ARL13B: variants seen among roughly 807,000 people sequenced by gnomAD.
ARL13B encodes the protein ADP-ribosylation factor-like protein 13B.
In ARL13B, 36 loss-of-function variants were observed where a neutral mutation model predicts 56.1. That is an observed-to-expected ratio of 0.64 (90% CI 0.49 to 0.85). The LOEUF is 0.85. Among genes scored for constraint, ARL13B ranks in the 40% least tolerant of loss-of-function variants. The probability of loss-of-function intolerance (pLI) is 0.00; values close to 1 mark genes in which losing one functional copy is unlikely to be tolerated. For synonymous variants in ARL13B, 178 were observed against 171.1 expected, an observed-to-expected ratio of 1.04 and a Z score of -0.32; for missense variants, 519 against 507.1, an observed-to-expected ratio of 1.02 and a Z score of -0.23.
At chr3:94,022,928 T>C (rs1244961471) in intron 3 of ARL13B, among the ~76,000 whole-genome samples, 1 of 152,012 alleles carries the variant, frequency 6.6e-6, no homozygotes, top group African/African-American at 2.4e-5. Context: ...GAATTGAACA[T>C]ATCCTCTTGA....
At position 94,053,224 on chromosome 3, in the gene ARL13B, A is replaced by G. The variant is rs753337159; in HGVS notation, c.1248A>G (p.Pro416=). 6.2e-7 allele frequency: 1 copy of G among 1,613,344 alleles called. No homozygotes were observed. The highest frequency in any genetic ancestry group is 8.5e-7 in the Non-Finnish European group (1 of 1,179,776). The change falls in exon 10 of 10, where the codon CCA becomes CCG. Residue 416 remains proline, a synonymous_variant. Coordinates refer to ENST00000394222, the MANE Select transcript of ARL13B (RefSeq NM_001174150.2). ...AGCCACTGCCTCCCCTGGCTGTGCC[A>G]CAGCGACCTAACAGTGATGCTCATG... ...YRKPLPPLAV[P]QRPNSDAHDV...
intron 2 of ARL13B, among the ~76,000 whole-genome samples, chr3:94,003,282 A>T (rs2076083112): frequency 6.6e-6 from 1 of 152,096 alleles, no homozygotes; most frequent in Non-Finnish European, 1.5e-5. Flanking sequence ...TTTCTTTATA[A>T]CTCCACAGAT....
chr3:94,024,962 A>G (rs540672620), intron 3 of ARL13B, among the ~76,000 whole-genome samples: 159 of 152,316 alleles, frequency 1.0e-3, no homozygotes, highest in African/African-American at 3.8e-3. Context: ...AATTTTTAAG[A>G]AATAGACTAT....
intron 1 of ARL13B, among the ~76,000 whole-genome samples, chr3:93,993,644 T>G (rs1316700419): frequency 3.3e-5 from 5 of 152,224 alleles, no homozygotes; most frequent in Non-Finnish European, 7.3e-5. Flanking sequence ...TTTACTATAT[T>G]TTGTTTTGGA....
At chr3:94,051,152 A>G (rs2077060621) in intron 9 of ARL13B, among the ~76,000 whole-genome samples, 1 of 152,152 alleles carries the variant, frequency 6.6e-6, no homozygotes, top group African/African-American at 2.4e-5. Context: ...TATCCATGAT[A>G]TATTTATACA....
Position 94,053,197 on chromosome 3 carries a change from G to A in ARL13B, c.1221G>A (p.Arg407=), listed in dbSNP as rs2107208050. The A allele has an allele frequency of 1.9e-6, 3 of 1,611,998 alleles. No individual in the cohort carries two copies. Among genetic ancestry groups the A allele is most frequent in the Non-Finnish European group, 2.5e-6 (3 of 1,179,542 alleles). The change falls in exon 10 of 10, where the codon AGG becomes AGA. Residue 407 remains arginine, a synonymous_variant. Transcript: ENST00000394222. The part of the protein sequence containing the change: ...LGETHHNDFY[R]KPLPPLAVPQ... ...TCTTTCTTTTCTTAGATTTCTATAG[G>A]AAGCCACTGCCTCCCCTGGCTGTGC...
rs766269392 is a variant in ARL13B, at chr3:93,990,043, C to T, written c.60-5831C>T. ...TGTTTGAGACGAAGTCTCCCTCTGT[C>T]GCCCAGGCTGGAGTGCAATGGCACG... On this transcript the variant is annotated intron_variant, in intron 1 of 9. Coordinates refer to ENST00000394222, the MANE Select transcript of ARL13B (RefSeq NM_001174150.2). Among the ~76,000 whole-genome samples, 10 of 152,030 alleles carry T rather than the reference C, an allele frequency of 6.6e-5. No individual in the cohort carries two copies. The South Asian group carries it at 1.2e-3, about 19-fold the overall frequency.
rs1576066238 is a variant in ARL13B at position 94,053,191 on chromosome 3, C to G, written c.1215C>G (p.Phe405Leu). 3.7e-6 allele frequency: 6 copies of G among 1,611,490 alleles called. No individual in the cohort carries two copies. The highest frequency in any genetic ancestry group is 4.2e-6 in the Non-Finnish European group (5 of 1,179,476). The change falls in exon 10 of 10, where the codon TTC (phenylalanine) becomes TTG (leucine). Residue 405 changes from phenylalanine (F) to leucine (L), a missense_variant. Physicochemically the swap from Phe to Leu is conservative, Grantham distance 22. Coordinates refer to ENST00000394222, the MANE Select transcript of ARL13B (RefSeq NM_001174150.2). ...TGGTTTTCTTTCTTTTCTTAGATTT[C>G]TATAGGAAGCCACTGCCTCCCCTGG... ...EPLGETHHND[F>L]YRKPLPPLAV...
At chr3:94,045,446 C>CT (rs1283314788) in intron 7 of ARL13B, among the ~76,000 whole-genome samples, 1 of 118,784 alleles carries the variant, frequency 8.4e-6, no homozygotes, top group East Asian at 2.3e-4. Context: ...TCAATAAATA[C>CT]TAAAAAAAAA....
chr3:94,038,577 G>A (rs1243089295), intron 5 of ARL13B, among the ~76,000 whole-genome samples: 1 of 132,088 alleles, frequency 7.6e-6, no homozygotes, highest in African/African-American at 2.9e-5. Flanking sequence ...AGGCTGGAGT[G>A]CAATGGCGCA....
At chr3:94,044,898 A>G (rs1422245807) in intron 7 of ARL13B, among the ~76,000 whole-genome samples, 1 of 151,940 alleles carries the variant, frequency 6.6e-6, no homozygotes, top group African/African-American at 2.4e-5. Context: ...GGAGGTGAGG[A>G]GCGCCTCTGC....
chr3:94,043,288 A>G, intron 7 of ARL13B, 48 bp downstream of exon 7: 2 of 1,469,456 alleles, frequency 1.4e-6, no homozygotes, highest in Non-Finnish European at 1.9e-6. Context: ...ATATATAAAT[A>G]AAACTTATAC....
chr3:93,980,370 G>A lies in ARL13B; in HGVS notation c.-54G>A. On this transcript the variant is annotated 5_prime_UTR_variant, in exon 1 of 10. The change creates a new upstream start codon in the 5' untranslated region. Coordinates refer to ENST00000394222, the MANE Select transcript of ARL13B (RefSeq NM_001174150.2). ...CCGGAGGCCCCCGGGGAAGAGCGGG[G>A]TGCCGGTGTCCGCTCCGGGCTCGGA... is the stretch of plus-strand genomic sequence containing the variant. 6.2e-7 allele frequency: 1 copy of A among 1,602,944 alleles called. No homozygotes were observed. Among genetic ancestry groups the A allele is most frequent in the Non-Finnish European group, 8.5e-7 (1 of 1,176,050 alleles).
intron 1 of ARL13B, among the ~76,000 whole-genome samples, chr3:93,994,182 A>G (rs1165992024): frequency 1.3e-5 from 2 of 152,154 alleles, no homozygotes; most frequent in East Asian, 1.9e-4. Flanking sequence ...CTGTCTTCCT[A>G]TTCTGCTCCT....
chr3:94,050,490 T>C (rs1325950221), intron 8 of ARL13B, among the ~76,000 whole-genome samples: 1 of 152,166 alleles, frequency 6.6e-6, no homozygotes, highest in Non-Finnish European at 1.5e-5. Context: ...GAATCTCTTA[T>C]AGACTCATTT....
intron 7 of ARL13B, among the ~76,000 whole-genome samples, chr3:94,044,080 C>A (rs549773084): frequency 6.6e-6 from 1 of 152,226 alleles, no homozygotes; most frequent in African/African-American, 2.4e-5. Context: ...CCCGCCACCC[C>A]GTCTAGGAAG....
chr3:94,024,073 C>G (rs2076505604), intron 3 of ARL13B, among the ~76,000 whole-genome samples: 2 of 152,110 alleles, frequency 1.3e-5, no homozygotes, highest in Non-Finnish European at 2.9e-5. Context: ...AGTCATCTAA[C>G]CAAATTTCTG....
chr3:94,041,666 C>T (rs1560008862), intron 6 of ARL13B, among the ~76,000 whole-genome samples: 1 of 152,094 alleles, frequency 6.6e-6, no homozygotes, highest in Non-Finnish European at 1.5e-5. Flanking sequence ...TGTGACTAGT[C>T]CTAGTGACAC....
At chr3:93,985,436 AAG>A (rs1409200896) in intron 1 of ARL13B, among the ~76,000 whole-genome samples, 21 of 152,222 alleles carry the variant, frequency 1.4e-4, no homozygotes. Flanking sequence ...AGAATCAGGA[AAG>A]AGGATTTTAG....
Sources: allele counts gnomAD v4.1 joint callset (sites outside exome capture counted in the v4.1 genomes callset), GRCh38; gene constraint gnomAD v4.1.1; transcripts MANE v1.5; gene names NCBI Gene and HGNC (gene_info 2026-07-23, HGNC 2026-07-21).